OR1F1: variants seen among roughly 807,000 people sequenced by gnomAD.
OR1F1 encodes olfactory receptor family 1 subfamily F member 1.
For missense variants in OR1F1, 493 were observed against 376.3 expected (o/e 1.31, Z -2.57); for synonymous variants, 184 against 156.7 (o/e 1.17, Z -1.30).
upstream of OR1F1, among the ~76,000 whole-genome samples, chr16:3,202,902 A>G (rs1168608243): frequency 6.6e-6 from 1 of 152,152 alleles, no homozygotes; most frequent in Non-Finnish European, 1.5e-5. Context: ...TTCTAAGGCT[A>G]TACAACTGGT....
At chr16:3,193,909 G>C in the OR1F1 span, among the ~76,000 whole-genome samples, 3 of 152,172 alleles carry the variant, frequency 2.0e-5, no homozygotes, top group African/African-American at 7.2e-5. Context: ...AGTAGGGCAC[G>C]TGGTAACTGC....
upstream of OR1F1, among the ~76,000 whole-genome samples, chr16:3,201,594 G>C (rs1958136181): frequency 6.6e-6 from 1 of 152,216 alleles, no homozygotes; most frequent in African/African-American, 2.4e-5. Flanking sequence ...CGCATGGAAT[G>C]GATTGAGCTG....
At chr16:3,198,708 G>A in the OR1F1 span, among the ~76,000 whole-genome samples, 7 of 152,260 alleles carry the variant, frequency 4.6e-5, no homozygotes, top group African/African-American at 1.4e-4. Flanking sequence ...AAATCACAGC[G>A]GTGGACGCGG....
chr16:3,193,508 G>T, the OR1F1 span, among the ~76,000 whole-genome samples: 1 of 152,228 alleles, frequency 6.6e-6, no homozygotes, highest in African/African-American at 2.4e-5. Context: ...GACGCAGACT[G>T]CAGAGCTCTA....
At chr16:3,193,947 G>A in the OR1F1 span, among the ~76,000 whole-genome samples, 9 of 152,168 alleles carry the variant, frequency 5.9e-5, no homozygotes, top group Non-Finnish European at 1.0e-4. Flanking sequence ...TAAGGTACTG[G>A]CCTCCTAAGC....
chr16:3,196,915 T>C, the OR1F1 span, among the ~76,000 whole-genome samples: 7 of 151,886 alleles, frequency 4.6e-5, no homozygotes, highest in African/African-American at 1.7e-4. Context: ...CTCACTCTGT[T>C]GACCAGGCTG....
the OR1F1 span, among the ~76,000 whole-genome samples, chr16:3,194,091 A>AG: frequency 6.6e-6 from 1 of 152,232 alleles, no homozygotes; most frequent in African/African-American, 2.4e-5. Flanking sequence ...AAGAATAAGA[A>AG]GAAACGGCAT....
At chr16:3,193,758 C>G in the OR1F1 span, among the ~76,000 whole-genome samples, 4 of 152,136 alleles carry the variant, frequency 2.6e-5, no homozygotes, top group African/African-American at 9.7e-5. Context: ...CAACCACAAC[C>G]GGCTAATTTT....
upstream of OR1F1, among the ~76,000 whole-genome samples, chr16:3,202,639 C>G (rs1199680926): frequency 6.7e-6 from 1 of 148,834 alleles, no homozygotes; most frequent in African/African-American, 2.4e-5. Flanking sequence ...GCCTGGGCAA[C>G]AAGAATGAAA....
upstream of OR1F1, among the ~76,000 whole-genome samples, chr16:3,202,579 G>A (rs539626014): frequency 6.6e-6 from 1 of 151,500 alleles, no homozygotes; most frequent in African/African-American, 2.4e-5. Context: ...ACGAATTCTC[G>A]CTCTGTTGCC....
chr16:3,205,290 C>A, downstream of OR1F1: 1 of 779,104 alleles, frequency 1.3e-6, no homozygotes. Flanking sequence ...TAGTGACACA[C>A]TTAGTAATTA....
At chr16:3,191,572 C>T in the OR1F1 span, among the ~76,000 whole-genome samples, 22 of 151,592 alleles carry the variant, frequency 1.5e-4, no homozygotes, top group Middle Eastern at 3.4e-3. Context: ...CCACGTTGGG[C>T]GACTTGTTTT....
At chr16:3,194,817 C>G in the OR1F1 span, among the ~76,000 whole-genome samples, 1 of 152,156 alleles carries the variant, frequency 6.6e-6, no homozygotes, top group Non-Finnish European at 1.5e-5. Context: ...TGATTTAGGT[C>G]TCGCTATGTT....
chr16:3,192,005 G>GGTATGATTCTCGCTTA, the OR1F1 span, among the ~76,000 whole-genome samples: 1 of 152,116 alleles, frequency 6.6e-6, no homozygotes, highest in African/African-American at 2.4e-5. Context: ...TTGGTCTAGG[G>GGTATGATTCTCGCTTA]GTATGATTCT....
the OR1F1 span, among the ~76,000 whole-genome samples, chr16:3,195,724 C>T: frequency 6.7e-6 from 1 of 150,034 alleles, no homozygotes; most frequent in Non-Finnish European, 1.5e-5. Context: ...ACCTCTGATA[C>T]AGAATCCACC....
At chr16:3,189,600 G>T in the OR1F1 span, 1 of 152,220 alleles carries the variant, frequency 6.6e-6, no homozygotes, top group Non-Finnish European at 1.5e-5. Flanking sequence ...ATGCTAGGAC[G>T]CCCACAAAGA....
At chr16:3,191,573 G>C in the OR1F1 span, among the ~76,000 whole-genome samples, 1 of 151,424 alleles carries the variant, frequency 6.6e-6, no homozygotes, top group East Asian at 1.9e-4. Context: ...CACGTTGGGC[G>C]ACTTGTTTTC....
chr16:3,192,692 G>T, the OR1F1 span, among the ~76,000 whole-genome samples: 26,523 of 152,000 alleles, frequency 0.17, 2,823 homozygotes, highest in Non-Finnish European at 0.24. Flanking sequence ...GCTTCCTCTC[G>T]CGCCGAGCCT....
chr16:3,204,976 C>T lies in OR1F1; in HGVS notation c.730C>T (p.His244Tyr), dbSNP rs1214806539. 1.4e-5 allele frequency: 23 copies of T among 1,614,052 alleles called. No homozygotes were observed. The East Asian group carries it at 1.6e-4, about 11-fold the overall frequency. The change falls in exon 1 of 1, where the codon CAC becomes TAC. Residue 244 changes from histidine to tyrosine, a missense_variant. Coordinates refer to ENST00000304646, the Ensembl canonical transcript of OR1F1. Reference sequence around the variant, plus strand: ...GAAAGCCTTCTCCACCTGTGGTTCTCACCTGGCTGTGGTTCTCCTCTTCTA... The same window carrying T: ...GAAAGCCTTCTCCACCTGTGGTTCTTACCTGGCTGTGGTTCTCCTCTTCTA...
Sources: gnomAD v4.1 joint callset for allele counts (sites outside exome capture counted in the v4.1 genomes callset) on GRCh38, gnomAD v4.1.1 for gene constraint, MANE v1.5 for transcripts, NCBI Gene and HGNC (gene_info 2026-07-23, HGNC 2026-07-21) for gene names.